Variants in HAUS2 observed in about 807,000 individuals in gnomAD.
The protein encoded by HAUS2 is HAUS augmin like complex subunit 2, also known as HAUS augmin-like complex subunit 2.
Under a neutral mutation model 21.6 loss-of-function variants are expected in HAUS2, and 20 were observed. That is an observed-to-expected ratio of 0.93 (90% CI 0.65 to 1.35). HAUS2 has a LOEUF of 1.35. HAUS2 is among the 40% of genes most tolerant of loss of function. HAUS2 has a pLI of 0.00. For missense variants in HAUS2, 297 were observed against 280.7 expected, an observed-to-expected ratio of 1.06 and a Z score of -0.42; for synonymous variants, 113 against 95.6, an observed-to-expected ratio of 1.18 and a Z score of -1.06.
intron 5 of HAUS2, 136 bp from the exon 6 acceptor site, chr15:42,566,471 A>G (rs2057908236): frequency 1.6e-6 from 1 of 618,370 alleles, no homozygotes; most frequent in Non-Finnish European, 2.9e-6. Flanking sequence ...AAGAAGTGGG[A>G]AAGCACAGTT....
At chr15:42,551,493 C>T (rs1204102720) in intron 1 of HAUS2, among the ~76,000 whole-genome samples, 2 of 152,008 alleles carry the variant, frequency 1.3e-5, no homozygotes, top group East Asian at 3.9e-4. Context: ...ATACAAAAAT[C>T]AGCCGGGTAT....
At chr15:42,554,455 C>G (rs1294845087) in intron 1 of HAUS2, among the ~76,000 whole-genome samples, 1 of 151,702 alleles carries the variant, frequency 6.6e-6, no homozygotes, top group Non-Finnish European at 1.5e-5. Context: ...TCCCTCCTCC[C>G]TCTTCATTAG....
chr15:42,568,143 T>TC lies in HAUS2; in HGVS notation c.*1329dup, dbSNP rs1252490566. The TC allele has an allele frequency of 6.6e-6, 1 of 152,256 alleles. No homozygotes were observed. Among genetic ancestry groups the TC allele is most frequent in the Non-Finnish European group, 1.5e-5 (1 of 68,054 alleles). 9.4% of individuals were successfully genotyped at this position (152,256 alleles called of 1,614,324 possible). On this transcript the variant is annotated 3_prime_UTR_variant, in exon 6 of 6. Transcript: ENST00000260372. ...AGAGTAACACAGCCAGCCTGACTTA[T>TC]CCTTTGAAAGGCCTGATTATAAGGT... is the stretch of plus-strand genomic sequence containing the variant.
At chr15:42,553,047 C>A (rs1358545663) in intron 1 of HAUS2, among the ~76,000 whole-genome samples, 1 of 148,126 alleles carries the variant, frequency 6.8e-6, no homozygotes, top group African/African-American at 2.5e-5. Context: ...AGTGCAATGG[C>A]ACGATCTCAG....
In HAUS2 at chr15:42,568,974, AG is replaced by A. The variant is rs2057933027; in HGVS notation, c.*2160del. 1 of 152,174 alleles carries A rather than the reference AG, an allele frequency of 6.6e-6. No homozygotes were observed. The highest frequency in any genetic ancestry group is 1.5e-5 in the Non-Finnish European group (1 of 68,030). The allele number at this position is 152,174 out of a possible 1,614,324, so 9.4% of individuals were successfully genotyped here. A position where few individuals can be genotyped will look rare whatever the true frequency, so the allele number is the denominator to read the frequency against. ...TCTCCTAGCAAATCATGGAACCTGGAGGTAGTCTTGGAGACCCTGGCATACA... is the reference window on the plus strand; with the variant it reads ...TCTCCTAGCAAATCATGGAACCTGGAGTAGTCTTGGAGACCCTGGCATACA... On this transcript the variant is annotated 3_prime_UTR_variant, in exon 6 of 6. Coordinates refer to ENST00000260372, the MANE Select transcript of HAUS2 (RefSeq NM_018097.3).
chr15:42,563,902 T>TTA (rs746516084), intron 5 of HAUS2, 45 bp downstream of exon 5: 8 of 882,642 alleles, frequency 9.1e-6, no homozygotes, highest in Non-Finnish European at 1.5e-5. Context: ...TACTAGAAAC[T>TTA]TAGAGGTGTG....
At chr15:42,558,865 G>A (rs955160264) in intron 2 of HAUS2, among the ~76,000 whole-genome samples, 1 of 151,892 alleles carries the variant, frequency 6.6e-6, no homozygotes, top group African/African-American at 2.4e-5. Flanking sequence ...GGCTGAGCTG[G>A]GAGGATCACT....
chr15:42,557,218 A>T (rs1203577538), intron 1 of HAUS2, among the ~76,000 whole-genome samples: 13 of 143,590 alleles, frequency 9.1e-5, no homozygotes, highest in Non-Finnish European at 1.5e-4. Flanking sequence ...CGGGAGGCTG[A>T]GGCAGGAGAA....
At chr15:42,563,712 C>G (rs779432407) in intron 4 of HAUS2, 37 bp from the exon 5 acceptor site, 1 of 1,023,134 alleles carries the variant, frequency 9.8e-7, no homozygotes. Flanking sequence ...AACAATTAAA[C>G]TTTAAAAAAT....
intron 1 of HAUS2, among the ~76,000 whole-genome samples, chr15:42,557,295 G>T (rs1428226234): frequency 2.1e-5 from 2 of 93,488 alleles, no homozygotes; most frequent in African/African-American, 7.6e-5. Context: ...CAACCTGTGC[G>T]ACAGAGTGAG....
intron 1 of HAUS2, among the ~76,000 whole-genome samples, chr15:42,550,764 G>A (rs1479387732): frequency 6.6e-6 from 1 of 152,010 alleles, no homozygotes; most frequent in African/African-American, 2.4e-5. Context: ...CACCTCCTGG[G>A]TTCATGCCAT....
chr15:42,549,526 A>C (rs1397590968), intron 1 of HAUS2, among the ~76,000 whole-genome samples: 1 of 151,826 alleles, frequency 6.6e-6, no homozygotes, highest in Non-Finnish European at 1.5e-5. Context: ...GGCTCACTGC[A>C]ACCTCCGCCT....
At chr15:42,566,519 A>G in intron 5 of HAUS2, 88 bp from the exon 6 acceptor site, 1 of 754,598 alleles carries the variant, frequency 1.3e-6, no homozygotes, top group East Asian at 2.6e-5. Flanking sequence ...GAAAAAGATC[A>G]TGTGTTAACC....
intron 1 of HAUS2, among the ~76,000 whole-genome samples, chr15:42,550,819 C>G (rs2057718107): frequency 6.6e-6 from 1 of 151,948 alleles, no homozygotes; most frequent in Non-Finnish European, 1.5e-5. Flanking sequence ...CAGGTGCTCA[C>G]CACCTCACCC....
chr15:42,558,513 G>A (rs891895340), intron 2 of HAUS2, among the ~76,000 whole-genome samples: 2 of 151,676 alleles, frequency 1.3e-5, no homozygotes, highest in African/African-American at 4.8e-5. Context: ...ACTTTTAGTA[G>A]AGATGGGGTT....
intron 4 of HAUS2, among the ~76,000 whole-genome samples, chr15:42,562,835 G>A (rs756647554): frequency 1.3e-5 from 2 of 152,106 alleles, no homozygotes; most frequent in African/African-American, 2.4e-5. Context: ...GAGGCCAGGC[G>A]TCATGGCTCA....
chr15:42,559,590 A>T (rs1352069742), intron 3 of HAUS2, among the ~76,000 whole-genome samples, 182 bp downstream of exon 3: 1 of 152,228 alleles, frequency 6.6e-6, no homozygotes, highest in South Asian at 2.1e-4. Context: ...TAGTACAAAT[A>T]GCATAAAAAG....
Position 42,566,868 on chromosome 15 carries a change from T to C in HAUS2, c.*52T>C. Reference sequence around the variant, plus strand: ...TGTGTAGTCATATGAAGTCTATTTCTAGTTGACTGTAACATGGGTATTAAT... The same window carrying C: ...TGTGTAGTCATATGAAGTCTATTTCCAGTTGACTGTAACATGGGTATTAAT... On this transcript the variant is annotated 3_prime_UTR_variant, in exon 6 of 6. Coordinates refer to ENST00000260372, the MANE Select transcript of HAUS2 (RefSeq NM_018097.3). The C allele has an allele frequency of 1.2e-6, 1 of 841,938 alleles. No individual in the cohort carries two copies. Among genetic ancestry groups the C allele is most frequent in the East Asian group, 2.5e-5 (1 of 40,618 alleles). The allele number at this position is 841,938 out of a possible 1,614,324, so 52.2% of individuals were successfully genotyped here. A position where few individuals can be genotyped will look rare whatever the true frequency, so the allele number is the denominator to read the frequency against.
At chr15:42,552,958 A>G (rs1253698471) in intron 1 of HAUS2, among the ~76,000 whole-genome samples, 2 of 151,692 alleles carry the variant, frequency 1.3e-5, no homozygotes, top group Non-Finnish European at 2.9e-5. Flanking sequence ...GTTTATACAT[A>G]CATATATGGT....
Sources: allele counts gnomAD v4.1 joint callset (sites outside exome capture counted in the v4.1 genomes callset), GRCh38; gene constraint gnomAD v4.1.1; transcripts MANE v1.5; gene names NCBI Gene and HGNC (gene_info 2026-07-23, HGNC 2026-07-21).